Variants in PATL1 observed in about 807,000 individuals in gnomAD.
PATL1 encodes protein PAT1 homolog 1.
PATL1 carries 32 observed loss-of-function variants against 100.6 expected under a neutral mutation model. The ratio of observed to expected loss-of-function variants is 0.32; its 90% CI spans 0.24 to 0.43. The LOEUF (loss-of-function observed/expected upper bound fraction) is 0.43. PATL1 is among the 20% of genes least tolerant of loss of function. The pLI is 1.00. For synonymous variants in PATL1, 332 were observed against 330.0 expected (o/e 1.01, Z -0.07); for missense variants, 747 against 949.9 (o/e 0.79, Z 2.81).
chr11:59,655,795 T>G lies in PATL1; in HGVS notation c.814-55A>C, dbSNP rs80026252. 65 of 1,489,560 alleles carry G rather than the reference T, an allele frequency of 4.4e-5. No individual in the cohort carries two copies. The East Asian group carries it at 1.6e-3, about 37-fold the overall frequency. 92.3% of individuals were successfully genotyped at this position (1,489,560 alleles called of 1,614,324 possible). ...GACAATCAGCAAGTCCCCTTGCTTTTGTCTACAGAAAAGTGAATACGGTTT... is the reference window on the plus strand; with the variant it reads ...GACAATCAGCAAGTCCCCTTGCTTTGGTCTACAGAAAAGTGAATACGGTTT... On this transcript the variant is annotated intron_variant, in intron 7 of 18. Transcript: ENST00000300146.
Position 59,654,044 on chromosome 11 carries a change from T to G in PATL1, c.1060A>C (p.Thr354Pro). ...RSQAPMFRPD[T>P]THLHPQHRRL... Reference sequence around the variant, plus strand: ...CGGTGCTGTGGATGGAGGTGAGTTGTGTCCGGTCTAAACATTGGGGCCTGA... The same window carrying G: ...CGGTGCTGTGGATGGAGGTGAGTTGGGTCCGGTCTAAACATTGGGGCCTGA... The change falls in exon 9 of 19, where the codon ACA (threonine) becomes CCA (proline). Residue 354 changes from threonine (T) to proline (P), a missense_variant. Transcript: ENST00000300146. The G allele has an allele frequency of 6.2e-7, 1 of 1,613,888 alleles. No homozygotes were observed. The highest frequency in any genetic ancestry group is 8.5e-7 in the Non-Finnish European group (1 of 1,179,774).
chr11:59,655,546 T>A lies in PATL1; in HGVS notation c.1008A>T (p.Pro336=), dbSNP rs1861515772. The A allele has an allele frequency of 6.3e-7, 1 of 1,582,530 alleles. No homozygotes were observed. The highest frequency in any genetic ancestry group is 1.7e-4 in the Middle Eastern group (1 of 5,998). The stretch of plus-strand genomic sequence containing the variant: ...ACCTTAGGTTTTGCAGGTGGGGTCC[T>A]GGGCCAGGAGGGTGCTGCTGTGGAG... The part of the protein sequence containing the change: ...TPPPQQHPPG[P]GPHLQNLRSQ... The change falls in exon 8 of 19, where the codon CCA becomes CCT. Residue 336 remains proline (P), a synonymous_variant. Transcript: ENST00000300146.
At chr11:59,655,850 A>T in intron 7 of PATL1, 106 bp downstream of exon 7, 1 of 1,380,986 alleles carries the variant, frequency 7.2e-7, no homozygotes, top group Non-Finnish European at 1.0e-6. Context: ...GAAAAAGTAA[A>T]GGCAAAAATA....
Position 59,642,841 on chromosome 11 carries a change from C to T in PATL1, c.2049+39G>A, listed in dbSNP as rs1245180760. The T allele has an allele frequency of 2.6e-6, 4 of 1,566,286 alleles. No homozygotes were observed. The African/African-American group carries it at 4.1e-5, about 16-fold the overall frequency. Reference sequence around the variant, plus strand: ...TTTTAATCTATAACGCAAATTAAGACATTTCACAAAGTTCAAGGAGTTAAA... The same window carrying T: ...TTTTAATCTATAACGCAAATTAAGATATTTCACAAAGTTCAAGGAGTTAAA... On this transcript the variant is annotated intron_variant, in intron 16 of 18. Transcript: ENST00000300146.
intron 3 of PATL1, 69 bp downstream of exon 3, chr11:59,659,183 T>C: frequency 7.5e-7 from 1 of 1,330,612 alleles, no homozygotes; most frequent in South Asian, 1.3e-5. Context: ...TAAAATAAAA[T>C]GGCAAAGTTC....
chr11:59,657,500 C>A, intron 5 of PATL1, 30 bp downstream of exon 5: 1 of 1,528,352 alleles, frequency 6.5e-7, no homozygotes, highest in South Asian at 1.2e-5. Context: ...TCCCAATATC[C>A]TGGGCTGTGT....
intron 16 of PATL1, chr11:59,639,612 G>A (rs1861245432): frequency 2.2e-6 from 1 of 457,192 alleles, no homozygotes; most frequent in Non-Finnish European, 3.9e-6. Flanking sequence ...CAACAGAAAC[G>A]GAAAGTCATG....
At chr11:59,657,929 T>C (rs770903874) in intron 4 of PATL1, among the ~76,000 whole-genome samples, 2 of 150,896 alleles carry the variant, frequency 1.3e-5, no homozygotes, top group Admixed American at 1.3e-4. Context: ...CTTGGGAGGG[T>C]GAGGTGGGAG....
Position 59,639,375 on chromosome 11 carries a change from C to A in PATL1, c.2058G>T (p.Leu686=), listed in dbSNP as rs369344258. 9.9e-5 allele frequency: 154 copies of A among 1,549,778 alleles called. 1 individual carries two copies. In the South Asian group the frequency reaches 1.2e-3, roughly 12 times the overall value. ...LTAVLQNKFG[L]SLLLILLSRG... Reference sequence around the variant, plus strand: ...GGCTCAGGAGGATGAGGAGCAGTGACAGGCCAAACTACGAGAAAAGACAGA... The same window carrying A: ...GGCTCAGGAGGATGAGGAGCAGTGAAAGGCCAAACTACGAGAAAAGACAGA... Residue 686 remains leucine (L), a synonymous_variant, in exon 17 of 19, where the codon CTG becomes CTT. Transcript: ENST00000300146.
rs1421332734 is a variant in PATL1, at chr11:59,657,625, G to A, written c.526C>T (p.Arg176Trp). ...RDLSERALPR[R>W]STSPIIGSPP... is the part of the protein sequence containing the mutation. ...CTGCCAATGATAGGTGAAGTTGACC[G>A]CCTTGGTAATGCTCGTTCAGAAAGG... Residue 176 changes from arginine to tryptophan, a missense_variant, in exon 5 of 19, where the codon CGG (arginine) becomes TGG (tryptophan). Arg to Trp is a moderately radical substitution (Grantham distance 101). Transcript: ENST00000300146. The A allele has an allele frequency of 4.3e-6, 7 of 1,613,046 alleles. No individual in the cohort carries two copies. Among genetic ancestry groups the A allele is most frequent in the Non-Finnish European group, 5.9e-6 (7 of 1,179,732 alleles).
At chr11:59,653,065 G>A (rs763148257) in intron 9 of PATL1, 47 bp from the exon 10 acceptor site, 15 of 1,451,614 alleles carry the variant, frequency 1.0e-5, no homozygotes, top group African/African-American at 5.7e-5. Flanking sequence ...AATTAATTAC[G>A]CTTTTTAACA....
At position 59,652,514 on chromosome 11, in the gene PATL1, G is replaced by A. The variant is rs1861461746; in HGVS notation, c.1376C>T (p.Thr459Ile). Reference sequence around the variant, plus strand: ...GGCCACCTGAGGGGTGATAAGCTTGGTGCGCTCCTTCTTAGGGCCATCACC... The same window carrying A: ...GGCCACCTGAGGGGTGATAAGCTTGATGCGCTCCTTCTTAGGGCCATCACC... ...IQGDGPKKER[T>I]KLITPQVAKL... Residue 459 changes from threonine (T) to isoleucine (I), a missense_variant, in exon 11 of 19, where the codon ACC becomes ATC. By Grantham distance (89) the Thr-to-Ile change is moderately conservative. Transcript: ENST00000300146. The A allele has an allele frequency of 6.2e-7, 1 of 1,613,948 alleles. No individual in the cohort carries two copies. Among genetic ancestry groups the A allele is most frequent in the Non-Finnish European group, 8.5e-7 (1 of 1,179,880 alleles).
rs117147764 is a variant in PATL1, at chr11:59,662,668, T to C, written c.128-3199A>G. ...TACTAACTTAGCAATGCCACAAGAG[T>C]GGGAATCTATCATCCTGAATTGAGG... is the stretch of plus-strand genomic sequence containing the variant. On this transcript the variant is annotated intron_variant, in intron 2 of 18. Coordinates refer to ENST00000300146, the MANE Select transcript of PATL1 (RefSeq NM_152716.3). Among the ~76,000 whole-genome samples, 598 of 152,226 alleles carry C rather than the reference T, an allele frequency of 3.9e-3. 2 individuals are homozygous for C. Among genetic ancestry groups the C allele is most frequent in the Middle Eastern group, 0.017 (5 of 294 alleles).
intron 6 of PATL1, 80 bp from the exon 7 acceptor site, chr11:59,656,125 G>T: frequency 1.2e-6 from 1 of 834,306 alleles, no homozygotes; most frequent in Non-Finnish European, 1.8e-6. Context: ...CAGCAGAAAT[G>T]CAGTATAAAC....
At chr11:59,664,174 C>T (rs1861659263) in intron 2 of PATL1, among the ~76,000 whole-genome samples, 2 of 152,160 alleles carry the variant, frequency 1.3e-5, no homozygotes, top group Non-Finnish European at 2.9e-5. Context: ...CTTTGTACTA[C>T]CTGTTCTTTT....
Position 59,649,455 on chromosome 11 carries a change from T to C in PATL1, c.1733+7A>G. The C allele has an allele frequency of 1.5e-5, 24 of 1,613,504 alleles. No individual in the cohort carries two copies. Among genetic ancestry groups the C allele is most frequent in the Non-Finnish European group, 1.9e-5 (23 of 1,179,666 alleles). On this transcript the variant is annotated splice_region_variant and intron_variant, in intron 14 of 18. Transcript: ENST00000300146. ...TTAATGTTTTCCTCAAACTGCACGA[T>C]GCTTACCTCTCTTGTCCAGGCAATT...
In PATL1 at chr11:59,666,875, A is replaced by G; in HGVS notation, c.105T>C (p.Asp35=). Residue 35 remains aspartate (D), a synonymous_variant, in exon 2 of 19, where the codon GAT becomes GAC. Coordinates refer to ENST00000300146, the MANE Select transcript of PATL1 (RefSeq NM_152716.3). ...TACCAACTGCACCTGACCCAAATGT[A>G]TCATCATTGAATTGATCAATCTCTT... The part of the protein sequence containing the change: ...EDEEIDQFND[D]TFGSGAVDDD... 8 of 1,550,642 alleles carry G rather than the reference A, an allele frequency of 5.2e-6. No individual in the cohort carries two copies. Among genetic ancestry groups the G allele is most frequent in the Non-Finnish European group, 7.0e-6 (8 of 1,146,780 alleles).
At chr11:59,657,258 G>T in intron 5 of PATL1, 1 of 605,446 alleles carries the variant, frequency 1.7e-6, no homozygotes, top group Non-Finnish European at 2.1e-6. Flanking sequence ...GTTTTGGGCA[G>T]CCAGCAAAAC....
intron 10 of PATL1, 29 bp from the exon 11 acceptor site, chr11:59,652,616 A>T (rs1170644938): frequency 6.2e-7 from 1 of 1,611,012 alleles, no homozygotes; most frequent in Non-Finnish European, 8.5e-7. Flanking sequence ...TTCAGTTGTA[A>T]CACAAGCACA....
Sources: allele counts gnomAD v4.1 joint callset (sites outside exome capture counted in the v4.1 genomes callset), GRCh38; gene constraint gnomAD v4.1.1; transcripts MANE v1.5; gene names NCBI Gene and HGNC (gene_info 2026-07-23, HGNC 2026-07-21).